The following NUP88 variants were observed in gnomAD, a reference collection of about 807,000 sequenced individuals.
NUP88 encodes the protein nucleoporin 88.
In NUP88, 57 loss-of-function variants were observed where a neutral mutation model predicts 93.9. That is an observed-to-expected ratio of 0.61 (90% confidence interval 0.49 to 0.76). NUP88 has a LOEUF of 0.76. Among genes scored for constraint, NUP88 ranks in the 30% least tolerant of loss-of-function variants. The pLI is 0.00. For missense variants in NUP88, 911 were observed against 901.0 expected (o/e 1.01, Z -0.14); for synonymous variants, 346 against 336.8 (o/e 1.03, Z -0.30).
At chr17:5,399,033 C>T (rs1164378816) in intron 8 of NUP88, among the ~76,000 whole-genome samples, 3 of 151,608 alleles carry the variant, frequency 2.0e-5, no homozygotes, top group East Asian at 3.9e-4. Flanking sequence ...GGACTACAGG[C>T]GCCCGCCACC....
chr17:5,413,426 A>C (rs1913956869), intron 3 of NUP88, among the ~76,000 whole-genome samples: 1 of 152,200 alleles, frequency 6.6e-6, no homozygotes, highest in Admixed American at 6.5e-5. Context: ...GAAAAATAAA[A>C]CTGAAGGTAT....
At chr17:5,386,897 GTTC>G in intron 15 of NUP88, 71 bp from the exon 16 acceptor site, 18 of 1,586,514 alleles carry the variant, frequency 1.1e-5, no homozygotes, top group Non-Finnish European at 1.4e-5. Context: ...ATTTGAATCT[GTTC>G]TTTTTACATT....
intron 7 of NUP88, 138 bp downstream of exon 7, chr17:5,403,961 G>T: frequency 1.3e-6 from 1 of 797,626 alleles, no homozygotes; most frequent in Non-Finnish European, 1.9e-6. Flanking sequence ...GTACTATAGT[G>T]ACTAAAAAGC....
At chr17:5,404,950 G>A in intron 6 of NUP88, 107 bp downstream of exon 6, 2 of 985,918 alleles carry the variant, frequency 2.0e-6, no homozygotes, top group Non-Finnish European at 2.9e-6. Flanking sequence ...AATATCAGAA[G>A]TTCCATAAGT....
rs1054150115 is a variant in NUP88, at chr17:5,385,914, G to C, written c.*292C>G. On this transcript the variant is annotated 3_prime_UTR_variant, in exon 17 of 17. Coordinates refer to ENST00000573584, the MANE Select transcript of NUP88 (RefSeq NM_002532.6). ...CACAGCTCACAAGAATAACTAACTT[G>C]CTCAAATATGGAGAAAACTCAATAG... The C allele has an allele frequency of 1.5e-5, 5 of 340,334 alleles. No individual in the cohort carries two copies. The Admixed American group carries it at 1.9e-4, about 13-fold the overall frequency. 21.1% of individuals were successfully genotyped at this position (340,334 alleles called of 1,614,324 possible).
chr17:5,391,803 G>A (rs1192549574), intron 9 of NUP88, 141 bp from the exon 10 acceptor site: 5 of 644,432 alleles, frequency 7.8e-6, no homozygotes, highest in Admixed American at 2.5e-5. Context: ...CCTCAAAAGT[G>A]GTGGCTTGGA....
intron 6 of NUP88, among the ~76,000 whole-genome samples, chr17:5,404,648 T>TG (rs1216036738): frequency 6.6e-6 from 1 of 151,908 alleles, no homozygotes; most frequent in Non-Finnish European, 1.5e-5. Context: ...ATAAAAAAAT[T>TG]GAAAAAAAAG....
rs536801907 is a variant in NUP88, at chr17:5,399,190, C to CT, written c.1291+361dup. Among the ~76,000 whole-genome samples, 701 of 123,444 alleles carry CT rather than the reference C, an allele frequency of 5.7e-3. 3 individuals are homozygous for CT. The highest frequency in any genetic ancestry group is 8.3e-3 in the African/African-American group (268 of 32,308). The allele number at this position is 123,444 out of a possible 152,430, so 81.0% of individuals were successfully genotyped here. A position where few individuals can be genotyped will look rare whatever the true frequency, so the allele number is the denominator to read the frequency against. ...ACAGGCGTGAGCCACCGCACCCGGC[C>CT]TTTTTTTTTTTTTTTTTTTTAAAGC... On this transcript the variant is annotated intron_variant, in intron 8 of 16. Coordinates refer to ENST00000573584, the MANE Select transcript of NUP88 (RefSeq NM_002532.6).
intron 2 of NUP88, among the ~76,000 whole-genome samples, chr17:5,414,744 C>T (rs540886989): frequency 6.6e-6 from 1 of 151,936 alleles, no homozygotes; most frequent in African/African-American, 2.4e-5. Context: ...CATGGTAAAA[C>T]CCCGTCTCCA....
At chr17:5,411,357 A>G (rs1913831228) in intron 3 of NUP88, among the ~76,000 whole-genome samples, 1 of 152,180 alleles carries the variant, frequency 6.6e-6, no homozygotes, top group Non-Finnish European at 1.5e-5. Flanking sequence ...TGAGGTCAGG[A>G]GTTCGTGACC....
intron 1 of NUP88, chr17:5,418,292 T>G (rs1241728168): frequency 6.6e-6 from 1 of 152,192 alleles, no homozygotes; most frequent in Non-Finnish European, 1.5e-5. Flanking sequence ...CTTGCTCTGT[T>G]GCCCAGGCTG....
At chr17:5,386,539 T>A in intron 16 of NUP88, 169 bp downstream of exon 16, 1 of 638,930 alleles carries the variant, frequency 1.6e-6, no homozygotes. Context: ...CTTTCAATCC[T>A]CCCACCATAG....
At chr17:5,415,288 G>A (rs1008420997) in intron 2 of NUP88, among the ~76,000 whole-genome samples, 5 of 152,102 alleles carry the variant, frequency 3.3e-5, no homozygotes, top group Admixed American at 6.5e-5. Context: ...CCAAAGTGCT[G>A]GGATTACAGG....
chr17:5,403,374 G>C (rs1035602459), intron 7 of NUP88, among the ~76,000 whole-genome samples: 3 of 152,228 alleles, frequency 2.0e-5, no homozygotes, highest in African/African-American at 7.2e-5. Context: ...CTACTAGGGA[G>C]GCTGAGGCAG....
rs751697891 is a variant in NUP88, at chr17:5,387,475, G to A, written c.1836-9C>T. ...TTTCCCGCAGACTTTTCCTAATGAT[G>A]TAAGACACAAGAGACTCTTGAGGTC... On this transcript the variant is annotated splice_polypyrimidine_tract_variant and intron_variant, in intron 13 of 16. Coordinates refer to ENST00000573584, the MANE Select transcript of NUP88 (RefSeq NM_002532.6). 6.2e-7 allele frequency: 1 copy of A among 1,613,784 alleles called. No individual in the cohort carries two copies. Among genetic ancestry groups the A allele is most frequent in the Non-Finnish European group, 8.5e-7 (1 of 1,179,666 alleles).
chr17:5,419,222 G>A, intron 1 of NUP88, 132 bp downstream of exon 1: 1 of 1,049,654 alleles, frequency 9.5e-7, no homozygotes, highest in South Asian at 2.0e-5. Context: ...CCCCGCGACC[G>A]CGTATGGCAG....
Position 5,419,589 on chromosome 17 carries a change from T to C in NUP88, c.62A>G (p.His21Arg). 1 of 1,606,866 alleles carries C rather than the reference T, an allele frequency of 6.2e-7. No homozygotes were observed. The highest frequency in any genetic ancestry group is 1.3e-5 in the African/African-American group (1 of 74,916). ...CTCCCGGAGCCGCAAGAACACGACG[T>C]GGTTAGGAAGCCAGGTCTGCCACAG... ...GELWQTWLPN[H>R]VVFLRLREGL... The change falls in exon 1 of 17, where the codon CAC (histidine) becomes CGC (arginine). Residue 21 changes from histidine (H) to arginine (R), a missense_variant. By Grantham distance (29) the His-to-Arg change is conservative (BLOSUM62 0). Coordinates refer to ENST00000573584, the MANE Select transcript of NUP88 (RefSeq NM_002532.6).
rs376779077 is a variant in NUP88, at chr17:5,416,442, T to C, written c.467+71A>G. The C allele has an allele frequency of 2.0e-5, 22 of 1,110,238 alleles. No individual in the cohort carries two copies. The East Asian group carries it at 4.2e-4, about 21-fold the overall frequency. 68.8% of individuals were successfully genotyped at this position (1,110,238 alleles called of 1,614,324 possible). The stretch of plus-strand genomic sequence containing the variant: ...TTAAGAGTAGTATACTAAACATGCT[T>C]AAGAACCACTAGTCTTGAACAATTT... On this transcript the variant is annotated intron_variant, in intron 2 of 16. Transcript: ENST00000573584.
chr17:5,406,747 A>C (rs940742762), intron 5 of NUP88, among the ~76,000 whole-genome samples: 8 of 149,414 alleles, frequency 5.4e-5, no homozygotes, highest in Non-Finnish European at 1.2e-4. Context: ...ATACACTAAC[A>C]ATACGTGATG....
Sources: allele counts gnomAD v4.1 joint callset (sites outside exome capture counted in the v4.1 genomes callset), GRCh38; gene constraint gnomAD v4.1.1; transcripts MANE v1.5; gene names NCBI Gene and HGNC (gene_info 2026-07-23, HGNC 2026-07-21).